The following EHD2 variants were observed in gnomAD, a reference collection of about 807,000 sequenced individuals.
The protein encoded by EHD2 is EH domain-containing protein 2.
Under a neutral mutation model 41.0 loss-of-function variants are expected in EHD2, and 27 were observed. The ratio of observed to expected loss-of-function variants is 0.66; its 90% CI spans 0.49 to 0.91. The LOEUF is 0.91. Ranked by LOEUF, EHD2 falls within the 40% of genes least tolerant of loss-of-function variation. EHD2 has a pLI of 0.00. For missense variants in EHD2, 673 were observed against 773.9 expected (o/e 0.87, Z 1.55); for synonymous variants, 342 against 341.0 (o/e 1.00, Z -0.03).
chr19:47,717,808 T>G (rs1202891564), intron 2 of EHD2, among the ~76,000 whole-genome samples: 1 of 148,432 alleles, frequency 6.7e-6, no homozygotes, highest in Non-Finnish European at 1.5e-5. Context: ...CTCGGGAGGC[T>G]GAGGCAGAAG....
chr19:47,723,253 C>T (rs1973715525), intron 3 of EHD2, among the ~76,000 whole-genome samples: 1 of 152,236 alleles, frequency 6.6e-6, no homozygotes, highest in South Asian at 2.1e-4. Flanking sequence ...GCAGGGACCA[C>T]AGAGGGTGCT....
At position 47,741,402 on chromosome 19, in the gene EHD2, C is replaced by T; in HGVS notation, c.1602C>T (p.Ser534=). 1.9e-6 allele frequency: 3 copies of T among 1,593,402 alleles called. No individual in the cohort carries two copies. The highest frequency in any genetic ancestry group is 2.6e-6 in the Non-Finnish European group (3 of 1,176,172). Residue 534 remains serine, a synonymous_variant, in exon 6 of 6, where the codon TCC becomes TCT. Coordinates refer to ENST00000263277, the MANE Select transcript of EHD2 (RefSeq NM_014601.4). This position sits in a 1 kb window ranked among gnomAD's most constrained non-coding sequence, Gnocchi z 4.5. ...ANLPRRLVPP[S]KRRHKGSAE is the part of the protein sequence containing the mutation. ...TGCCCCGTCGCCTGGTGCCACCCTC[C>T]AAGCGACGCCACAAGGGCTCCGCCG...
At chr19:47,731,304 A>ATATATATATACATATATACG (rs1973812606) in intron 4 of EHD2, 3 of 57,800 alleles carry the variant, frequency 5.2e-5, no homozygotes, top group African/African-American at 1.3e-4. Flanking sequence ...ATATATATAC[A>ATATATATATACATATATACG]TATATATATA....
In EHD2 at chr19:47,741,165, G is replaced by C; in HGVS notation, c.1365G>C (p.Glu455Asp). ...CCAAGGACAAGTCCAAATACGACGA[G>C]ATCTTCTACAACCTGGCGCCTGCCG... ...VVTKDKSKYD[E>D]IFYNLAPADG... The change falls in exon 6 of 6, where the codon GAG becomes GAC. Residue 455 changes from glutamate to aspartate, a missense_variant. Glu to Asp is a conservative substitution (Grantham distance 45, BLOSUM62 2). Coordinates refer to ENST00000263277, the MANE Select transcript of EHD2 (RefSeq NM_014601.4). This position sits in a 1 kb window ranked among gnomAD's most constrained non-coding sequence, Gnocchi z 4.5. The C allele has an allele frequency of 3.7e-6, 6 of 1,613,430 alleles. No homozygotes were observed. Among genetic ancestry groups the C allele is most frequent in the Non-Finnish European group, 5.1e-6 (6 of 1,180,004 alleles).
chr19:47,716,553 C>T lies in EHD2; in HGVS notation c.-55-5C>T, dbSNP rs1973626615. 2 of 1,443,290 alleles carry T rather than the reference C, an allele frequency of 1.4e-6. No homozygotes were observed. The highest frequency in any genetic ancestry group is 1.8e-6 in the Non-Finnish European group (2 of 1,100,246). The allele number at this position is 1,443,290 out of a possible 1,614,324, so 89.4% of individuals were successfully genotyped here. A position where few individuals can be genotyped will look rare whatever the true frequency, so the allele number is the denominator to read the frequency against. On this transcript the variant is annotated splice_polypyrimidine_tract_variant and splice_region_variant and intron_variant, in intron 1 of 5. Transcript: ENST00000263277. ...CTATGCTCATGCCCTCTCCCCCTCC[C>T]ACAGGCAGCTCTCCATCTGCACGTC...
At chr19:47,726,278 T>G in intron 4 of EHD2, 54 bp downstream of exon 4, 1 of 1,446,644 alleles carries the variant, frequency 6.9e-7, no homozygotes, top group South Asian at 1.5e-5. Flanking sequence ...TCCTCGGTCC[T>G]CTCCTACCAG....
rs1973656618 is a variant in EHD2 at position 47,718,619 on chromosome 19, A to G, written c.502+13A>G. 4 of 1,529,812 alleles carry G rather than the reference A, an allele frequency of 2.6e-6. No homozygotes were observed. Among genetic ancestry groups the G allele is most frequent in the African/African-American group, 1.4e-5 (1 of 70,700 alleles). 94.8% of individuals were successfully genotyped at this position (1,529,812 alleles called of 1,614,324 possible). A position where few individuals can be genotyped will look rare whatever the true frequency, so the allele number is the denominator to read the frequency against. ...AGAGTGAGCCGCGGTGAGTGGGGCC[A>G]GACCCTGGGGTCTGAGGGAGGAGGG... On this transcript the variant is annotated intron_variant, in intron 3 of 5. Coordinates refer to ENST00000263277, the MANE Select transcript of EHD2 (RefSeq NM_014601.4).
chr19:47,721,383 C>T (rs1444312203), intron 3 of EHD2, among the ~76,000 whole-genome samples: 3 of 151,754 alleles, frequency 2.0e-5, no homozygotes, highest in Admixed American at 6.6e-5. Flanking sequence ...GGTGCGACCT[C>T]GGCTCGCTGC....
At chr19:47,724,188 C>G (rs1973726517) in intron 3 of EHD2, among the ~76,000 whole-genome samples, 1 of 151,664 alleles carries the variant, frequency 6.6e-6, no homozygotes, top group African/African-American at 2.4e-5. Flanking sequence ...AAGCGATTCT[C>G]GTGCCTCAGC....
intron 4 of EHD2, among the ~76,000 whole-genome samples, chr19:47,735,474 T>C (rs1685747023): frequency 6.6e-6 from 1 of 152,164 alleles, no homozygotes; most frequent in African/African-American, 2.4e-5. Context: ...GGCTCTTGCC[T>C]GTAATCCCAG....
chr19:47,734,923 C>T (rs974976938), intron 4 of EHD2, among the ~76,000 whole-genome samples: 4 of 149,022 alleles, frequency 2.7e-5, no homozygotes, highest in African/African-American at 5.0e-5. Context: ...CATGGTGGCA[C>T]GTGCCTGTAA....
Position 47,725,802 on chromosome 19 carries a change from C to T in EHD2, c.503-10C>T. The stretch of plus-strand genomic sequence containing the variant: ...CCCCTTGCGCCCCTGTCTCTCCACT[C>T]CCACTCCAGGCTACGACTTCCCGGC... On this transcript the variant is annotated splice_polypyrimidine_tract_variant and intron_variant, in intron 3 of 5. Transcript: ENST00000263277. The T allele has an allele frequency of 6.4e-7, 1 of 1,568,814 alleles. No homozygotes were observed. Among genetic ancestry groups the T allele is most frequent in the Non-Finnish European group, 8.7e-7 (1 of 1,151,628 alleles).
intron 4 of EHD2, chr19:47,731,248 G>T (rs1973803798): frequency 9.7e-6 from 1 of 103,058 alleles, no homozygotes; most frequent in South Asian, 3.9e-4. Flanking sequence ...GTTCTCAGCA[G>T]TCTAAATTTG....
At chr19:47,737,268 G>A (rs1188235102) in intron 5 of EHD2, among the ~76,000 whole-genome samples, 16 of 151,348 alleles carry the variant, frequency 1.1e-4, no homozygotes, top group Admixed American at 1.1e-3. Context: ...GTTGGGAAGG[G>A]GAAGAAAAGA....
chr19:47,717,862 C>T (rs1279163227), intron 2 of EHD2, among the ~76,000 whole-genome samples: 5 of 139,784 alleles, frequency 3.6e-5, no homozygotes, highest in East Asian at 4.4e-4. Context: ...AAGCCGAGAC[C>T]GTGCCACTGC....
intron 3 of EHD2, among the ~76,000 whole-genome samples, chr19:47,722,787 C>G (rs937459098): frequency 2.0e-5 from 3 of 152,098 alleles, no homozygotes; most frequent in African/African-American, 7.2e-5. Context: ...AGGCTGGTCT[C>G]GAACTCCTGA....
At chr19:47,724,206 A>G (rs996417290) in intron 3 of EHD2, among the ~76,000 whole-genome samples, 2 of 151,760 alleles carry the variant, frequency 1.3e-5, no homozygotes, top group African/African-American at 2.4e-5. Context: ...AGCCTTCTGA[A>G]TATGTGGGAC....
chr19:47,726,337 A>C (rs1973752443), intron 4 of EHD2, 113 bp downstream of exon 4: 1 of 1,301,414 alleles, frequency 7.7e-7, no homozygotes. Flanking sequence ...AGTTCTCTTG[A>C]AGTTGGGTCA....
rs756067187 is a variant in EHD2 at position 47,741,183 on chromosome 19, G to T, written c.1383G>T (p.Ala461=). 1.9e-6 allele frequency: 3 copies of T among 1,613,810 alleles called. No individual in the cohort carries two copies. In the East Asian group the frequency reaches 6.7e-5, roughly 36 times the overall value. Residue 461 remains alanine (A), a synonymous_variant, in exon 6 of 6, where the codon GCG becomes GCT. Transcript: ENST00000263277. The surrounding 1 kb of genome is among the most constrained non-coding windows in gnomAD (Gnocchi z 4.5). ...ACGACGAGATCTTCTACAACCTGGC[G>T]CCTGCCGACGGCAAGCTGAGCGGCT... is the stretch of plus-strand genomic sequence containing the variant. ...SKYDEIFYNL[A]PADGKLSGSK...
Sources: allele counts gnomAD v4.1 joint callset (sites outside exome capture counted in the v4.1 genomes callset), GRCh38; gene constraint gnomAD v4.1.1; non-coding constraint Gnocchi (gnomAD v3.1); transcripts MANE v1.5; gene names NCBI Gene and HGNC (gene_info 2026-07-23, HGNC 2026-07-21).